MDGA1: variants seen among roughly 807,000 people sequenced by gnomAD.
MDGA1 encodes MAM domain containing glycosylphosphatidylinositol anchor 1.
MDGA1 carries 54 observed loss-of-function variants against 101.5 expected under a neutral mutation model. The ratio of observed to expected loss-of-function variants is 0.53; its 90% CI spans 0.43 to 0.67. The LOEUF (loss-of-function observed/expected upper bound fraction) is 0.67. Among genes scored for constraint, MDGA1 ranks in the 30% least tolerant of loss-of-function variants. MDGA1 has a pLI of 0.00. For synonymous variants in MDGA1, 533 were observed against 558.3 expected (o/e 0.95, Z 0.64); for missense variants, 1,083 against 1,323.8 (o/e 0.82, Z 2.82).
intron 10 of MDGA1, 134 bp downstream of exon 10, chr6:37,647,039 T>G: frequency 1.3e-6 from 1 of 781,692 alleles, no homozygotes; most frequent in Admixed American, 2.6e-5. Context: ...TCCCTGCCCC[T>G]GAAGAATTGC....
At chr6:37,693,020 T>A (rs559712612) in intron 1 of MDGA1, among the ~76,000 whole-genome samples, 2 of 152,084 alleles carry the variant, frequency 1.3e-5, no homozygotes, top group Admixed American at 6.5e-5. Context: ...AGGGCCAAAA[T>A]CAACTTGGGA....
intron 1 of MDGA1, among the ~76,000 whole-genome samples, chr6:37,675,627 T>C (rs1246893813): frequency 6.6e-6 from 1 of 152,148 alleles, no homozygotes; most frequent in Non-Finnish European, 1.5e-5. Flanking sequence ...TGAGAATATG[T>C]AAGATGATGG....
At chr6:37,658,752 C>T (rs1581603514) in intron 2 of MDGA1, among the ~76,000 whole-genome samples, 2 of 152,288 alleles carry the variant, frequency 1.3e-5, no homozygotes, top group African/African-American at 2.4e-5. Flanking sequence ...GGGCGGATCA[C>T]CTGAGCTCAT....
At chr6:37,666,783 G>A (rs1428111781) in intron 1 of MDGA1, among the ~76,000 whole-genome samples, 2 of 152,212 alleles carry the variant, frequency 1.3e-5, no homozygotes, top group African/African-American at 4.8e-5. Context: ...CAGAAAACAG[G>A]CATCACCATC....
At chr6:37,656,228 C>A (rs998107444) in intron 3 of MDGA1, among the ~76,000 whole-genome samples, 1 of 152,058 alleles carries the variant, frequency 6.6e-6, no homozygotes, top group African/African-American at 2.4e-5. Flanking sequence ...CAGGCATATG[C>A]CACCATGCCC....
At chr6:37,662,707 G>A (rs1272325470) in intron 2 of MDGA1, among the ~76,000 whole-genome samples, 2 of 151,958 alleles carry the variant, frequency 1.3e-5, no homozygotes, top group Admixed American at 6.5e-5. Context: ...GGTCAAATAT[G>A]AGCCCAAGGG....
intron 1 of MDGA1, among the ~76,000 whole-genome samples, chr6:37,686,207 C>A (rs80271941): frequency 6.6e-6 from 1 of 152,104 alleles, no homozygotes; most frequent in Admixed American, 6.5e-5. Flanking sequence ...CAGACTCAGC[C>A]GACAGGCCTG....
chr6:37,665,931 T>C lies in MDGA1; in HGVS notation c.68-1825A>G, dbSNP rs1052815739. Among the ~76,000 whole-genome samples, 6 of 152,312 alleles carry C rather than the reference T, an allele frequency of 3.9e-5. No homozygotes were observed. In the East Asian group the frequency reaches 1.2e-3, roughly 29 times the overall value. On this transcript the variant is annotated intron_variant, in intron 1 of 16. Coordinates refer to ENST00000434837, the MANE Select transcript of MDGA1 (RefSeq NM_153487.4). ...CTTGAAAATGTATACCTGGCCCACC[T>C]GTTCAGCAGAAATTCCTGTCTCACC...
At chr6:37,650,027 G>A in intron 8 of MDGA1, 82 bp downstream of exon 8, 2 of 1,556,322 alleles carry the variant, frequency 1.3e-6, no homozygotes, top group East Asian at 4.5e-5. Flanking sequence ...ACTGGGGTGG[G>A]TGAGAGGATG....
At chr6:37,654,197 G>A (rs1022417372) in intron 6 of MDGA1, 77 bp downstream of exon 6, 2 of 1,447,536 alleles carry the variant, frequency 1.4e-6, no homozygotes, top group Middle Eastern at 2.0e-4. Flanking sequence ...CCCTTTCCTA[G>A]TTCATTGGTA....
intron 1 of MDGA1, among the ~76,000 whole-genome samples, chr6:37,666,652 C>T (rs1761761075): frequency 6.6e-6 from 1 of 152,158 alleles, no homozygotes; most frequent in Non-Finnish European, 1.5e-5. Context: ...TCTTGGGATC[C>T]CCAGCACAAG....
At chr6:37,678,675 C>A (rs1428472640) in intron 1 of MDGA1, among the ~76,000 whole-genome samples, 2 of 151,956 alleles carry the variant, frequency 1.3e-5, no homozygotes, top group Non-Finnish European at 1.5e-5. Flanking sequence ...TTTGCACTTA[C>A]AGCCCCACCC....
rs753858826 is a variant in MDGA1, at chr6:37,654,278, C to T, written c.978G>A (p.Val326=). Residue 326 remains valine (V), a synonymous_variant, in exon 6 of 17, where the codon GTG becomes GTA. Transcript: ENST00000434837. ...NPAKKTVNLL[V]RSMKNATFQI... Reference sequence around the variant, plus strand: ...ACCCCTTCTGAGGCCACGTACATCGCACCAGCAGGTTGACAGTCTTCTTGG... The same window carrying T: ...ACCCCTTCTGAGGCCACGTACATCGTACCAGCAGGTTGACAGTCTTCTTGG... 3 of 1,545,296 alleles carry T rather than the reference C, an allele frequency of 1.9e-6. No individual in the cohort carries two copies. Among genetic ancestry groups the T allele is most frequent in the Admixed American group, 3.9e-5 (2 of 51,536 alleles).
chr6:37,696,710 G>A lies in MDGA1; in HGVS notation c.67+35C>T, dbSNP rs1424696503. 6.4e-7 allele frequency: 1 copy of A among 1,555,782 alleles called. No individual in the cohort carries two copies. Among genetic ancestry groups the A allele is most frequent in the Non-Finnish European group, 8.7e-7 (1 of 1,147,584 alleles). On this transcript the variant is annotated intron_variant, in intron 1 of 16. Coordinates refer to ENST00000434837, the MANE Select transcript of MDGA1 (RefSeq NM_153487.4). The surrounding 1 kb of genome is among the most constrained non-coding windows in gnomAD (Gnocchi z 5.6). ...GCCTCTTGCAAAGTTTCCGCGCGAG[G>A]TTAAGCCAAGGTGGAGCGGGACGCG... is the stretch of plus-strand genomic sequence containing the variant.
chr6:37,653,005 C>T (rs1761404038), intron 6 of MDGA1, among the ~76,000 whole-genome samples: 1 of 152,116 alleles, frequency 6.6e-6, no homozygotes, highest in Non-Finnish European at 1.5e-5. Flanking sequence ...TACATGAAAA[C>T]ACAGCATTTG....
intron 1 of MDGA1, among the ~76,000 whole-genome samples, chr6:37,677,117 C>T (rs1761996905): frequency 1.3e-5 from 2 of 152,088 alleles, no homozygotes; most frequent in Admixed American, 6.5e-5. Flanking sequence ...TTATTAGGTG[C>T]CGAACGACCC....
At position 37,697,102 on chromosome 6, in the gene MDGA1, G is replaced by A. The variant is rs975504170; in HGVS notation, c.-291C>T. 4 of 297,432 alleles carry A rather than the reference G, an allele frequency of 1.3e-5. No individual in the cohort carries two copies. The highest frequency in any genetic ancestry group is 1.0e-4 in the Admixed American group (2 of 19,544). The allele number at this position is 297,432 out of a possible 1,614,324, so 18.4% of individuals were successfully genotyped here. A position where few individuals can be genotyped will look rare whatever the true frequency, so the allele number is the denominator to read the frequency against. On this transcript the variant is annotated 5_prime_UTR_variant, in exon 1 of 17. Transcript: ENST00000434837. ...CCCCGACCCGAGGAGCCCGGCCGCCGAGCCGCCCCGGGTACCCAGGGCCGT... is the reference window on the plus strand; with the variant it reads ...CCCCGACCCGAGGAGCCCGGCCGCCAAGCCGCCCCGGGTACCCAGGGCCGT...
intron 3 of MDGA1, among the ~76,000 whole-genome samples, chr6:37,657,676 C>T (rs1328295997): frequency 6.6e-6 from 1 of 152,182 alleles, no homozygotes; most frequent in Non-Finnish European, 1.5e-5. Flanking sequence ...TTTCTGGGTA[C>T]CTGACTCAGC....
chr6:37,660,443 T>C (rs1761595880), intron 2 of MDGA1, among the ~76,000 whole-genome samples: 1 of 152,182 alleles, frequency 6.6e-6, no homozygotes, highest in South Asian at 2.1e-4. Flanking sequence ...TCCTGTCTCT[T>C]TGTCTTCCCT....
Sources: allele counts gnomAD v4.1 joint callset (sites outside exome capture counted in the v4.1 genomes callset), GRCh38; gene constraint gnomAD v4.1.1; non-coding constraint Gnocchi (gnomAD v3.1); transcripts MANE v1.5; gene names NCBI Gene and HGNC (gene_info 2026-07-23, HGNC 2026-07-21).